The following SSU72 variants were observed in gnomAD, a reference collection of about 807,000 sequenced individuals.
The protein encoded by SSU72 is RNA polymerase II subunit A C-terminal domain phosphatase SSU72.
SSU72 carries 12 observed loss-of-function variants against 22.7 expected under a neutral mutation model. That is an observed-to-expected ratio of 0.53 (90% CI 0.34 to 0.86). The LOEUF is 0.86. Ranked by LOEUF, SSU72 falls within the 40% of genes least tolerant of loss-of-function variation. The pLI, the probability that SSU72 is intolerant of heterozygous loss-of-function variation, is 0.02. For missense variants in SSU72, 151 were observed against 249.8 expected (o/e 0.60, Z 2.67); for synonymous variants, 116 against 98.3 (o/e 1.18, Z -1.06).
intron 2 of SSU72, among the ~76,000 whole-genome samples, chr1:1,551,624 C>T (rs1331419801): frequency 2.0e-5 from 3 of 152,244 alleles, no homozygotes; most frequent in African/African-American, 7.2e-5. Flanking sequence ...CTGGGCGCTG[C>T]TTCCCGAGCT....
At chr1:1,570,187 G>C (rs901961454) in intron 1 of SSU72, among the ~76,000 whole-genome samples, 1 of 151,672 alleles carries the variant, frequency 6.6e-6, no homozygotes, top group African/African-American at 2.4e-5. Context: ...CAAATGCTTT[G>C]GGGCGCTGAG....
chr1:1,546,109 A>G (rs1213876818), intron 2 of SSU72: 1 of 152,202 alleles, frequency 6.6e-6, no homozygotes, highest in Non-Finnish European at 1.5e-5. Flanking sequence ...CCCCAAAAAG[A>G]GAGACTGGGT....
At chr1:1,570,899 C>G (rs1313541696) in intron 1 of SSU72, among the ~76,000 whole-genome samples, 1 of 151,966 alleles carries the variant, frequency 6.6e-6, no homozygotes, top group Non-Finnish European at 1.5e-5. Context: ...ATCACGAGGT[C>G]AGGAGATCGA....
At chr1:1,564,578 A>G (rs779919146) in intron 2 of SSU72, 195 bp downstream of exon 2, 1 of 1,600,858 alleles carries the variant, frequency 6.2e-7, no homozygotes, top group Non-Finnish European at 8.5e-7. Context: ...CACCACGCCT[A>G]CTGCCATGGG....
chr1:1,569,820 G>A (rs998720761), intron 1 of SSU72, among the ~76,000 whole-genome samples: 1 of 151,506 alleles, frequency 6.6e-6, no homozygotes, highest in Admixed American at 6.6e-5. Flanking sequence ...TTTAAAAGGG[G>A]CGAGGTTCAC....
In SSU72 at chr1:1,544,714, C is replaced by G. The variant is rs887719334; in HGVS notation, c.364+149G>C. Reference sequence around the variant, plus strand: ...GGTGGTTCAGCGACCAGCGGCCCTGCCTGCCTTCCAGGGTGCTTCACACTC... The same window carrying G: ...GGTGGTTCAGCGACCAGCGGCCCTGGCTGCCTTCCAGGGTGCTTCACACTC... On this transcript the variant is annotated intron_variant, in intron 3 of 4. Coordinates refer to ENST00000291386, the MANE Select transcript of SSU72 (RefSeq NM_014188.3). The G allele has an allele frequency of 2.7e-6, 3 of 1,103,564 alleles. No homozygotes were observed. In the African/African-American group the frequency reaches 4.6e-5, roughly 17 times the overall value. 68.4% of individuals were successfully genotyped at this position (1,103,564 alleles called of 1,614,324 possible). A position where few individuals can be genotyped will look rare whatever the true frequency, so the allele number is the denominator to read the frequency against.
chr1:1,562,532 A>T (rs565847346), intron 2 of SSU72: 1 of 152,462 alleles, frequency 6.6e-6, no homozygotes, highest in Admixed American at 6.5e-5. Context: ...CCAGCCCTAA[A>T]CCAGACTCCT....
rs1471066512 is a variant in SSU72, at chr1:1,544,130, T to C, written c.365-143A>G. 23 of 626,750 alleles carry C rather than the reference T, an allele frequency of 3.7e-5. No homozygotes were observed. In the East Asian group the frequency reaches 5.9e-4, roughly 16 times the overall value. The allele number at this position is 626,750 out of a possible 1,614,324, so 38.8% of individuals were successfully genotyped here. ...GGACTCTGCAGTTTGGGGAGCACAA[T>C]GAATGAGCCTCAAACCGAAGGCGGC... On this transcript the variant is annotated intron_variant, in intron 3 of 4. Transcript: ENST00000291386.
intron 2 of SSU72, among the ~76,000 whole-genome samples, chr1:1,553,038 A>C: frequency 6.6e-6 from 1 of 151,374 alleles, no homozygotes; most frequent in Non-Finnish European, 1.5e-5. Context: ...AAAAAAAAAA[A>C]ATTACTTTTT....
chr1:1,548,473 G>C (rs1231911396), intron 2 of SSU72, among the ~76,000 whole-genome samples: 1 of 150,990 alleles, frequency 6.6e-6, no homozygotes, highest in Non-Finnish European at 1.5e-5. Flanking sequence ...AGAATTGCTT[G>C]AAGCCAGGAG....
chr1:1,560,074 CT>C (rs1642569028), intron 2 of SSU72, among the ~76,000 whole-genome samples: 1 of 152,150 alleles, frequency 6.6e-6, no homozygotes, highest in Non-Finnish European at 1.5e-5. Context: ...CCAGGTTGGT[CT>C]CAAACTCAAC....
At position 1,544,269 on chromosome 1, in the gene SSU72, G is replaced by A. The variant is rs192269649; in HGVS notation, c.365-282C>T. ...GTGACTGGCATTGCGACCCTTCCCC[G>A]TCACTAAAGACCAGCCCTCCCTGCT... On this transcript the variant is annotated intron_variant, in intron 3 of 4. Transcript: ENST00000291386. 8.7e-4 allele frequency among the ~76,000 whole-genome samples: 133 copies of A among 152,270 alleles called. 2 individuals carry two copies. Among genetic ancestry groups the A allele is most frequent in the Non-Finnish European group, 3.5e-4 (24 of 68,016 alleles).
chr1:1,574,263 G>A (rs1257217160), intron 1 of SSU72, among the ~76,000 whole-genome samples: 5 of 151,988 alleles, frequency 3.3e-5, no homozygotes, highest in Non-Finnish European at 7.4e-5. Context: ...ACCGGACAGC[G>A]GGCGCCTCGT....
intron 2 of SSU72, among the ~76,000 whole-genome samples, chr1:1,557,369 C>T (rs944260213): frequency 4.6e-5 from 7 of 151,850 alleles, no homozygotes; most frequent in South Asian, 2.1e-4. Flanking sequence ...GCCGAGATTG[C>T]ACCACTGCAC....
At chr1:1,544,664 C>T in intron 3 of SSU72, 199 bp downstream of exon 3, 1 of 652,974 alleles carries the variant, frequency 1.5e-6, no homozygotes, top group South Asian at 1.8e-5. Flanking sequence ...CCCCTTGAAG[C>T]CCATGAGGCT....
intron 1 of SSU72, among the ~76,000 whole-genome samples, chr1:1,572,074 C>T (rs9439472): frequency 1.3e-5 from 2 of 150,144 alleles, no homozygotes; most frequent in Non-Finnish European, 3.0e-5. Context: ...GGATTACAGG[C>T]GTGAGCCACC....
chr1:1,550,674 C>A (rs1012536947), intron 2 of SSU72, among the ~76,000 whole-genome samples: 4 of 152,140 alleles, frequency 2.6e-5, no homozygotes, highest in Non-Finnish European at 5.9e-5. Context: ...CCTGGCAGAG[C>A]CTCAACACTG....
chr1:1,570,890 T>C (rs980770558), intron 1 of SSU72, among the ~76,000 whole-genome samples: 6 of 151,574 alleles, frequency 4.0e-5, no homozygotes, highest in Non-Finnish European at 8.8e-5. Flanking sequence ...GGCGGGCAGA[T>C]CACGAGGTCA....
chr1:1,568,134 C>G (rs906076841), intron 1 of SSU72, among the ~76,000 whole-genome samples: 1 of 152,212 alleles, frequency 6.6e-6, no homozygotes, highest in African/African-American at 2.4e-5. Flanking sequence ...TTCTCCCAAA[C>G]TGATGCAACC....
Sources: allele counts gnomAD v4.1 joint callset (sites outside exome capture counted in the v4.1 genomes callset), GRCh38; gene constraint gnomAD v4.1.1; transcripts MANE v1.5; gene names NCBI Gene and HGNC (gene_info 2026-07-23, HGNC 2026-07-21).